Variants in FMN2 observed in about 807,000 individuals in gnomAD.
FMN2 encodes the protein formin-2.
FMN2 carries 51 observed loss-of-function variants against 142.3 expected under a neutral mutation model. The observed-to-expected ratio is 0.36, with a 90% CI of 0.29 to 0.45. The LOEUF (loss-of-function observed/expected upper bound fraction) is 0.45. Among genes scored for constraint, FMN2 ranks in the 20% least tolerant of loss-of-function variants. The pLI is 1.00. For synonymous variants in FMN2, 882 were observed against 869.8 expected (o/e 1.01, Z -0.25); for missense variants, 1,936 against 2,122.8 (o/e 0.91, Z 1.73).
At chr1:240,316,840 A>G (rs182806796) in intron 8 of FMN2, among the ~76,000 whole-genome samples, 105 of 152,308 alleles carry the variant, frequency 6.9e-4, no homozygotes, top group Non-Finnish European at 1.1e-3. Context: ...TTATAAAACT[A>G]TAGTATAACA....
intron 2 of FMN2, among the ~76,000 whole-genome samples, chr1:240,126,231 A>G (rs1662497812): frequency 6.6e-6 from 1 of 152,114 alleles, no homozygotes; most frequent in Admixed American, 6.5e-5. Context: ...AATTTTCGAT[A>G]ATTAGTATCT....
At chr1:240,135,504 A>C (rs1032140110) in intron 2 of FMN2, among the ~76,000 whole-genome samples, 1 of 152,146 alleles carries the variant, frequency 6.6e-6, no homozygotes, top group Admixed American at 6.5e-5. Flanking sequence ...GGTTTGAAAA[A>C]AATTGCCTCG....
chr1:240,103,813 A>G (rs1338605250), intron 1 of FMN2, among the ~76,000 whole-genome samples: 2 of 152,146 alleles, frequency 1.3e-5, no homozygotes, highest in African/African-American at 4.8e-5. Context: ...TTGGTCCCCT[A>G]TCACCCTGAG....
At chr1:240,466,713 T>C (rs1430495958) in intron 16 of FMN2, among the ~76,000 whole-genome samples, 1 of 152,194 alleles carries the variant, frequency 6.6e-6, no homozygotes, top group Non-Finnish European at 1.5e-5. Flanking sequence ...TATGGGAACC[T>C]GTTGAATAAG....
intron 2 of FMN2, among the ~76,000 whole-genome samples, chr1:240,167,734 A>G (rs1664536411): frequency 6.6e-6 from 1 of 152,228 alleles, no homozygotes; most frequent in African/African-American, 2.4e-5. Context: ...TGTATTATTT[A>G]TAAAACCATG....
intron 6 of FMN2, among the ~76,000 whole-genome samples, chr1:240,250,632 T>G (rs1188686370): frequency 6.6e-6 from 1 of 151,932 alleles, no homozygotes; most frequent in Non-Finnish European, 1.5e-5. Flanking sequence ...TCTCTTCTAT[T>G]TTTTTTGGGG....
intron 14 of FMN2, among the ~76,000 whole-genome samples, chr1:240,375,434 A>G (rs1308434604): frequency 6.6e-6 from 1 of 152,248 alleles, no homozygotes; most frequent in Non-Finnish European, 1.5e-5. Context: ...AAAAGCAGGT[A>G]TACCTGCAAT....
chr1:240,397,462 A>G (rs1382735750), intron 15 of FMN2, among the ~76,000 whole-genome samples: 1 of 152,088 alleles, frequency 6.6e-6, no homozygotes, highest in South Asian at 2.1e-4. Flanking sequence ...ACTTTTTTCA[A>G]TGCCTAGTAA....
chr1:240,093,801 C>T, intron 1 of FMN2, 77 bp downstream of exon 1: 1 of 1,078,900 alleles, frequency 9.3e-7, no homozygotes, highest in Non-Finnish European at 1.2e-6. Flanking sequence ...CCCGCCCTCC[C>T]TGGGCTCTGG....
intron 6 of FMN2, among the ~76,000 whole-genome samples, chr1:240,215,421 A>G (rs1031811179): frequency 2.0e-5 from 3 of 152,206 alleles, no homozygotes; most frequent in Non-Finnish European, 2.9e-5. Context: ...CAATGTTTCC[A>G]AGCTGGTAAG....
chr1:240,193,123 A>G (rs2103356622), intron 4 of FMN2, among the ~76,000 whole-genome samples: 1 of 152,150 alleles, frequency 6.6e-6, no homozygotes, highest in Non-Finnish European at 1.5e-5. Context: ...ATGGTGTAAA[A>G]CTAGTTTGCA....
intron 15 of FMN2, among the ~76,000 whole-genome samples, chr1:240,394,424 G>A (rs1255085328): frequency 6.6e-6 from 1 of 152,122 alleles, no homozygotes; most frequent in Non-Finnish European, 1.5e-5. Context: ...TGAGGAAACT[G>A]GAGAGGAAAA....
chr1:240,219,950 T>A (rs1667044968), intron 6 of FMN2, among the ~76,000 whole-genome samples: 1 of 152,200 alleles, frequency 6.6e-6, no homozygotes, highest in Non-Finnish European at 1.5e-5. Flanking sequence ...TGAGCCACCA[T>A]GCCCAGACAA....
chr1:240,118,129 G>A (rs1393055723), intron 1 of FMN2, among the ~76,000 whole-genome samples: 2 of 149,584 alleles, frequency 1.3e-5, no homozygotes, highest in Non-Finnish European at 3.0e-5. Context: ...GGCAAGAGTG[G>A]TGAGAGGTGG....
chr1:240,170,826 C>G, intron 2 of FMN2: 1 of 840,612 alleles, frequency 1.2e-6, no homozygotes, highest in Non-Finnish European at 2.1e-6. Flanking sequence ...CATCCCGGAT[C>G]ATTGGTGTGG....
chr1:240,356,795 AATG>A (rs1376197761), intron 14 of FMN2, among the ~76,000 whole-genome samples: 4 of 152,348 alleles, frequency 2.6e-5, no homozygotes, highest in South Asian at 4.1e-4. Context: ...AAGTGTCATT[AATG>A]ATGATTTAAC....
intron 3 of FMN2, among the ~76,000 whole-genome samples, chr1:240,182,924 T>C (rs574650633): frequency 4.6e-5 from 7 of 151,512 alleles, no homozygotes; most frequent in South Asian, 2.1e-4. Context: ...CTTTTCTTTT[T>C]TTTTTTTTTT....
At chr1:240,258,160 G>A (rs1668513741) in intron 7 of FMN2, 128 bp downstream of exon 7, 1 of 652,230 alleles carries the variant, frequency 1.5e-6, no homozygotes. Context: ...TATCCCGTAA[G>A]TGTGATCAAG....
chr1:240,196,799 C>T (rs2103363640), intron 4 of FMN2, among the ~76,000 whole-genome samples: 1 of 152,280 alleles, frequency 6.6e-6, no homozygotes, highest in Non-Finnish European at 1.5e-5. Context: ...AACAAACCCT[C>T]TAGGCGATTC....
Sources: allele counts gnomAD v4.1 joint callset (sites outside exome capture counted in the v4.1 genomes callset), GRCh38; gene constraint gnomAD v4.1.1; transcripts MANE v1.5; gene names NCBI Gene and HGNC (gene_info 2026-07-23, HGNC 2026-07-21).